The following HIPK3 variants were observed in gnomAD, a reference collection of about 807,000 sequenced individuals.
HIPK3 encodes homeodomain-interacting protein kinase 3.
A neutral mutation model predicts 124.2 loss-of-function variants in HIPK3; 47 were observed. The observed-to-expected ratio is 0.38, with a 90% CI of 0.30 to 0.48. The LOEUF is 0.48. Among genes scored for constraint, HIPK3 ranks in the 20% least tolerant of loss-of-function variants. The pLI is 0.98. For missense variants in HIPK3, 1,286 were observed against 1,454.3 expected, an observed-to-expected ratio of 0.88 and a Z score of 1.88; for synonymous variants, 482 against 515.2, an observed-to-expected ratio of 0.94 and a Z score of 0.87.
chr11:33,258,332 T>C, intron 1 of HIPK3: 1 of 985,360 alleles, frequency 1.0e-6, no homozygotes. Flanking sequence ...CCCTTTCCTT[T>C]CATTAAGGGG....
intron 3 of HIPK3, among the ~76,000 whole-genome samples, chr11:33,332,288 T>A (rs895937235): frequency 2.6e-4 from 40 of 152,230 alleles, no homozygotes; most frequent in Admixed American, 4.6e-4. Context: ...TTTCCGTTTA[T>A]ATAGACATCT....
intron 3 of HIPK3, among the ~76,000 whole-genome samples, chr11:33,329,629 T>A (rs935527483): frequency 1.3e-5 from 2 of 152,248 alleles, no homozygotes; most frequent in African/African-American, 4.8e-5. Context: ...TCATCATCCA[T>A]GAACCTTCCC....
At chr11:33,336,750 A>G (rs1180386912) in intron 3 of HIPK3, among the ~76,000 whole-genome samples, 4 of 152,166 alleles carry the variant, frequency 2.6e-5, no homozygotes, top group Admixed American at 6.5e-5. Context: ...TACACATACT[A>G]TAACCTTGGC....
At chr11:33,260,372 C>T (rs1850790729) in intron 1 of HIPK3, among the ~76,000 whole-genome samples, 1 of 152,134 alleles carries the variant, frequency 6.6e-6, no homozygotes, top group African/African-American at 2.4e-5. Flanking sequence ...ATGCATGAAC[C>T]TGAAAGCATA....
chr11:33,311,247 A>G (rs773638619), intron 2 of HIPK3, among the ~76,000 whole-genome samples: 10 of 152,108 alleles, frequency 6.6e-5, no homozygotes, highest in Non-Finnish European at 1.3e-4. Context: ...GTACAGTGGT[A>G]AGATCACAGC....
chr11:33,287,630 GAGGATCA>G, intron 2 of HIPK3, 119 bp downstream of exon 2: 1 of 1,130,588 alleles, frequency 8.8e-7, no homozygotes, highest in East Asian at 2.4e-5. Context: ...GAAATCAAGA[GAGGATCA>G]ATTTAGGTTC....
At chr11:33,328,719 A>G (rs1590176170) in intron 3 of HIPK3, 86 bp downstream of exon 3, 1 of 1,165,270 alleles carries the variant, frequency 8.6e-7, no homozygotes, top group South Asian at 1.6e-5. Flanking sequence ...CAGGTGTACA[A>G]TACACTGGAA....
intron 3 of HIPK3, among the ~76,000 whole-genome samples, chr11:33,333,257 G>A (rs897168666): frequency 1.3e-5 from 2 of 152,164 alleles, no homozygotes; most frequent in Non-Finnish European, 2.9e-5. Context: ...GGCGACACGA[G>A]AGGAATTAAC....
rs754032282 is a variant in HIPK3, at chr11:33,328,652, C to A, written c.1221+19C>A. The A allele has an allele frequency of 1.2e-6, 2 of 1,609,492 alleles. No individual in the cohort carries two copies. The highest frequency in any genetic ancestry group is 2.2e-5 in the South Asian group (2 of 90,840). ...TGATCAGGTAACAAATAATGATAAT[C>A]TAATAGAATTGGTAAAAAGTAAAGA... On this transcript the variant is annotated intron_variant, in intron 3 of 16. Transcript: ENST00000303296.
chr11:33,260,478 GTTATTTT>G (rs1354041296), intron 1 of HIPK3, among the ~76,000 whole-genome samples: 1 of 152,172 alleles, frequency 6.6e-6, no homozygotes, highest in Non-Finnish European at 1.5e-5. Flanking sequence ...TTGTTTGCAT[GTTATTTT>G]TTATTTGAAT....
At position 33,351,741 on chromosome 11, in the gene HIPK3, T is replaced by C; in HGVS notation, c.2941T>C (p.Ser981Pro). 6.2e-7 allele frequency: 1 copy of C among 1,614,198 alleles called. No individual in the cohort carries two copies. Among genetic ancestry groups the C allele is most frequent in the Non-Finnish European group, 8.5e-7 (1 of 1,180,034 alleles). ...CACTCATGAAAACACAGAATTGGTA[T>C]CCTCTGCTGACACAGAAACCAAGCC... Reference protein sequence around the residue: ...EDTHENTELVSSADTETKPAV... With the variant: ...EDTHENTELVPSADTETKPAV... Residue 981 changes from serine (S) to proline (P), a missense_variant, in exon 15 of 17, where the codon TCC becomes CCC. Around this residue, in one of 3 missense-constraint regions of HIPK3, gnomAD observed 810 missense variants for 864.9 expected, o/e 0.94. Coordinates refer to ENST00000303296, the MANE Select transcript of HIPK3 (RefSeq NM_005734.5).
chr11:33,295,192 G>A (rs1206346972), intron 2 of HIPK3, among the ~76,000 whole-genome samples: 4 of 151,810 alleles, frequency 2.6e-5, no homozygotes, highest in Non-Finnish European at 4.4e-5. Flanking sequence ...AGGACGAGAC[G>A]CTTTTAGAGG....
intron 2 of HIPK3, among the ~76,000 whole-genome samples, chr11:33,325,415 C>T (rs1223086887): frequency 2.0e-5 from 3 of 152,204 alleles, no homozygotes; most frequent in Middle Eastern, 3.4e-3. Flanking sequence ...CAGTAATAGG[C>T]CTATCATTAG....
At chr11:33,274,911 A>T (rs568282543) in intron 1 of HIPK3, among the ~76,000 whole-genome samples, 116 of 152,326 alleles carry the variant, frequency 7.6e-4, no homozygotes, top group African/African-American at 2.8e-3. Context: ...TGCTTTGTTC[A>T]CAATACTGCT....
chr11:33,308,613 GGTGTGTGTGT>G (rs10628141), intron 2 of HIPK3, among the ~76,000 whole-genome samples: 6 of 147,372 alleles, frequency 4.1e-5, no homozygotes, highest in South Asian at 2.2e-4. Flanking sequence ...TGTGCCTAGG[GGTGTGTGTGT>G]GTGTGTGTGT....
rs1208514193 is a variant in HIPK3, at chr11:33,339,475, G to C, written c.1554G>C (p.Glu518Asp). The change falls in exon 6 of 17, where the codon GAG becomes GAC. Residue 518 changes from glutamate (E) to aspartate (D), a missense_variant. By Grantham distance (45) the Glu-to-Asp change is conservative. This residue lies in a region of HIPK3 where 810 missense variants were observed against 864.9 expected (regional missense o/e 0.94). Coordinates refer to ENST00000303296, the MANE Select transcript of HIPK3 (RefSeq NM_005734.5). Reference protein sequence around the residue: ...IDADLRITPAETLNHPFVNMK... With the variant: ...IDADLRITPADTLNHPFVNMK... The stretch of plus-strand genomic sequence containing the variant: ...CAGATTTAAGAATTACTCCAGCTGA[G>C]ACCCTGAACCATCCTTTTGTTAATA... 2.0e-5 allele frequency: 33 copies of C among 1,612,116 alleles called. No homozygotes were observed. Among genetic ancestry groups the C allele is most frequent in the Non-Finnish European group, 2.6e-5 (31 of 1,178,666 alleles).
rs1851762198 is a variant in HIPK3 at position 33,293,707 on chromosome 11, T to TA, written c.1097+6197dup. Among the ~76,000 whole-genome samples the TA allele has an allele frequency of 2.6e-5, 4 of 152,316 alleles. No individual in the cohort carries two copies. In the South Asian group the frequency reaches 8.3e-4, roughly 32 times the overall value. ...TATTAAAATTGTGTCAATGAAAAGA[T>TA]ATGTGAATAGAAACTGTAATATGGT... On this transcript the variant is annotated intron_variant, in intron 2 of 16. Transcript: ENST00000303296.
chr11:33,258,471 G>T (rs962220523), intron 1 of HIPK3: 5 of 985,138 alleles, frequency 5.1e-6, no homozygotes, highest in Non-Finnish European at 6.0e-6. Context: ...ACGTGCGTGC[G>T]TGTGTGTGAT....
rs1381387282 is a variant in HIPK3, at chr11:33,354,528, A to G, written c.*960A>G. On this transcript the variant is annotated 3_prime_UTR_variant, in exon 17 of 17. Coordinates refer to ENST00000303296, the MANE Select transcript of HIPK3 (RefSeq NM_005734.5). ...TAAAATGTTTAGAGGTACAGTAGGC[A>G]TGACTTTGGGTAGATAATAAAATGC... 6.6e-6 allele frequency: 1 copy of G among 152,598 alleles called. No individual in the cohort carries two copies. Among genetic ancestry groups the G allele is most frequent in the East Asian group, 1.9e-4 (1 of 5,198 alleles). The allele number at this position is 152,598 out of a possible 1,614,324, so 9.5% of individuals were successfully genotyped here. A position where few individuals can be genotyped will look rare whatever the true frequency, so the allele number is the denominator to read the frequency against.
Sources: allele counts gnomAD v4.1 joint callset (sites outside exome capture counted in the v4.1 genomes callset), GRCh38; gene constraint gnomAD v4.1.1; regional missense constraint gnomAD v4.1.1; transcripts MANE v1.5; gene names NCBI Gene and HGNC (gene_info 2026-07-23, HGNC 2026-07-21).